RGS3: variants seen among roughly 807,000 people sequenced by gnomAD.
RGS3 encodes the protein regulator of G-protein signalling 3.
A neutral mutation model predicts 132.6 loss-of-function variants in RGS3; 80 were observed. That is an observed-to-expected ratio of 0.60 (90% CI 0.50 to 0.73). RGS3 has a LOEUF of 0.73. RGS3 is among the 30% of genes least tolerant of loss of function. The probability of loss-of-function intolerance (pLI) is 0.00; values close to 1 mark genes in which losing one functional copy is unlikely to be tolerated. For synonymous variants in RGS3, 598 were observed against 620.6 expected, an observed-to-expected ratio of 0.96 and a Z score of 0.54; for missense variants, 1,382 against 1,530.8, an observed-to-expected ratio of 0.90 and a Z score of 1.62.
In RGS3 at chr9:113,537,943, C is replaced by A. The variant is rs137914495; in HGVS notation, c.2037+1025C>A. On this transcript the variant is annotated intron_variant, in intron 19 of 24. Coordinates refer to ENST00000350696, the Ensembl canonical transcript of RGS3. The surrounding 1 kb of genome is among the most constrained non-coding windows in gnomAD (Gnocchi z 4.3). Reference sequence around the variant, plus strand: ...AGAATTACATCATCTTAGCTGTGAACGTTCTCTTGTTTTACACTAGCTAGT... The same window carrying A: ...AGAATTACATCATCTTAGCTGTGAAAGTTCTCTTGTTTTACACTAGCTAGT... 1.3e-5 allele frequency among the ~76,000 whole-genome samples: 2 copies of A among 152,172 alleles called. No individual in the cohort carries two copies. The highest frequency in any genetic ancestry group is 3.8e-4 in the East Asian group (2 of 5,196).
intron 19 of RGS3, among the ~76,000 whole-genome samples, chr9:113,545,866 G>A (rs991621678): frequency 1.3e-5 from 2 of 152,246 alleles, no homozygotes; most frequent in African/African-American, 4.8e-5. Flanking sequence ...AAGACGCTGA[G>A]TCTCAGAGAA....
intron 1 of RGS3, among the ~76,000 whole-genome samples, chr9:113,448,451 ACTT>A (rs756609724): frequency 6.6e-6 from 1 of 151,378 alleles, no homozygotes; most frequent in Non-Finnish European, 1.5e-5. Context: ...TTTTTCTTCG[ACTT>A]CTTCTTCCCC....
At chr9:113,546,826 C>T (rs368128218) in intron 19 of RGS3, among the ~76,000 whole-genome samples, 300 of 152,294 alleles carry the variant, frequency 2.0e-3, no homozygotes, top group African/African-American at 6.7e-3. Context: ...CACCTCTCAC[C>T]GAGCCCCTTG....
At chr9:113,512,805 G>A (rs1433413703) in intron 14 of RGS3, among the ~76,000 whole-genome samples, 2 of 152,162 alleles carry the variant, frequency 1.3e-5, no homozygotes, top group Non-Finnish European at 2.9e-5. Context: ...GAGCCTGACT[G>A]CTTTGGAGTT....
At chr9:113,446,352 A>C (rs1829100144) in intron 1 of RGS3, among the ~76,000 whole-genome samples, 1 of 152,228 alleles carries the variant, frequency 6.6e-6, no homozygotes. Context: ...TTCTGGAGAA[A>C]TGGTGGAGAG....
At chr9:113,495,878 T>C (rs903922778) in intron 8 of RGS3, 32 bp downstream of exon 6, 11 of 1,587,428 alleles carry the variant, frequency 6.9e-6, no homozygotes, top group Non-Finnish European at 9.5e-6. Flanking sequence ...GTCAGGATCA[T>C]CCCAACTGGG....
chr9:113,500,008 C>T (rs1189045430), intron 10 of RGS3, among the ~76,000 whole-genome samples: 1 of 152,114 alleles, frequency 6.6e-6, no homozygotes, highest in Non-Finnish European at 1.5e-5. Flanking sequence ...AGGGGGCCTC[C>T]CTCGTGATTC....
intron 19 of RGS3, chr9:113,582,179 G>T: frequency 1.0e-6 from 1 of 985,374 alleles, no homozygotes; most frequent in Non-Finnish European, 1.2e-6. Context: ...GACTCCCCAG[G>T]GCTTCAAAGA....
chr9:113,580,990 C>T (rs1397963102), intron 19 of RGS3: 5 of 985,534 alleles, frequency 5.1e-6, no homozygotes, highest in Non-Finnish European at 6.0e-6. Flanking sequence ...CCGTCTTTCC[C>T]CAAGGACTAT....
In RGS3 at chr9:113,463,111, C is replaced by T. The variant is rs1034833911; in HGVS notation, c.415+910C>T. 3.3e-5 allele frequency among the ~76,000 whole-genome samples: 5 copies of T among 152,280 alleles called. No homozygotes were observed. Among genetic ancestry groups the T allele is most frequent in the African/African-American group, 1.2e-4 (5 of 41,562 alleles). ...GAGGCTGTGGGCCTGTCCTGCTGTCCGATGGCATCAGGCTGTGGGACGGGG... is the reference window on the plus strand; with the variant it reads ...GAGGCTGTGGGCCTGTCCTGCTGTCTGATGGCATCAGGCTGTGGGACGGGG... On this transcript the variant is annotated intron_variant, in intron 3 of 24. Coordinates refer to ENST00000350696, the Ensembl canonical transcript of RGS3. The surrounding 1 kb of genome is among the most constrained non-coding windows in gnomAD (Gnocchi z 4.6).
intron 19 of RGS3, among the ~76,000 whole-genome samples, chr9:113,546,878 C>G (rs1031866237): frequency 6.6e-6 from 1 of 152,144 alleles, no homozygotes; most frequent in South Asian, 2.1e-4. Context: ...AATCTTGCCT[C>G]GAGTCCTCAT....
chr9:113,486,692 G>A (rs1019660343), intron 7 of RGS3, among the ~76,000 whole-genome samples: 7 of 152,224 alleles, frequency 4.6e-5, no homozygotes, highest in African/African-American at 1.4e-4. Context: ...AGGGGCTTCC[G>A]TGAATGAAAA....
chr9:113,538,347 G>T (rs991829363), intron 19 of RGS3, among the ~76,000 whole-genome samples: 4 of 152,190 alleles, frequency 2.6e-5, no homozygotes, highest in Non-Finnish European at 4.4e-5. Flanking sequence ...ACTGATCCTG[G>T]GTTGGTCACA....
chr9:113,477,280 G>A (rs757519526), intron 3 of RGS3, among the ~76,000 whole-genome samples: 5 of 152,188 alleles, frequency 3.3e-5, no homozygotes, highest in Non-Finnish European at 7.3e-5. Context: ...GAAGAGGGCA[G>A]TTAGGGCTGG....
chr9:113,492,460 G>A (rs1201325876), intron 7 of RGS3, among the ~76,000 whole-genome samples: 2 of 152,178 alleles, frequency 1.3e-5, no homozygotes, highest in Non-Finnish European at 2.9e-5. Flanking sequence ...GTCTTGAACT[G>A]CTATTTAAAT....
At position 113,507,989 on chromosome 9, in the gene RGS3, T is replaced by C. The variant is rs1441767667; in HGVS notation, c.1437+351T>C. Among the ~76,000 whole-genome samples, 1 of 152,178 alleles carries C rather than the reference T, an allele frequency of 6.6e-6. No individual in the cohort carries two copies. Among genetic ancestry groups the C allele is most frequent in the African/African-American group, 2.4e-5 (1 of 41,444 alleles). On this transcript the variant is annotated intron_variant, in intron 13 of 24. Transcript: ENST00000350696. The surrounding 1 kb of genome is among the most constrained non-coding windows in gnomAD (Gnocchi z 5.0). ...AGGAGGTATGAAAGCAGACACTGCATGATTGCATGGTGGGATGATGGAGTG... is the reference window on the plus strand; with the variant it reads ...AGGAGGTATGAAAGCAGACACTGCACGATTGCATGGTGGGATGATGGAGTG...
At chr9:113,595,035 C>T in intron 23 of RGS3, 55 bp downstream of exon 21, 2 of 1,534,754 alleles carry the variant, frequency 1.3e-6, no homozygotes, top group Non-Finnish European at 1.8e-6. Context: ...TCCCCTTCGC[C>T]CCCATCCAGA....
In RGS3 at chr9:113,462,097, G is replaced by A; in HGVS notation, c.311G>A (p.Trp104Ter). ...CTGAGCTTGCCCATATTCCCTGGCT[G>A]GATGGAGTGGCTAAGCCCTGATATC... The change falls in exon 3 of 25, where the codon TGG becomes TAG. Residue 104 changes from tryptophan (W) to a stop codon, truncating the protein, a stop_gained. Transcript: ENST00000350696. LOFTEE classifies it high-confidence loss of function. 2 of 1,614,152 alleles carry A rather than the reference G, an allele frequency of 1.2e-6. No homozygotes were observed. The highest frequency in any genetic ancestry group is 1.7e-6 in the Non-Finnish European group (2 of 1,180,036).
chr9:113,471,168 T>G (rs1021756511), intron 3 of RGS3, among the ~76,000 whole-genome samples: 1 of 152,132 alleles, frequency 6.6e-6, no homozygotes, highest in African/African-American at 2.4e-5. Context: ...GGAGTAGCTG[T>G]GTCTGATTAC....
Sources: allele counts gnomAD v4.1 joint callset (sites outside exome capture counted in the v4.1 genomes callset), GRCh38; gene constraint gnomAD v4.1.1; non-coding constraint Gnocchi (gnomAD v3.1); transcripts MANE v1.5; gene names NCBI Gene and HGNC (gene_info 2026-07-23, HGNC 2026-07-21).